Variants in CSMD1 observed in about 807,000 individuals in gnomAD.
CSMD1 encodes the protein CUB and Sushi multiple domains 1.
A neutral mutation model predicts 417.5 loss-of-function variants in CSMD1; 213 were observed. The observed-to-expected ratio is 0.51, with a 90% CI of 0.46 to 0.57. The LOEUF (loss-of-function observed/expected upper bound fraction) is 0.57. Among genes scored for constraint, CSMD1 ranks in the 20% least tolerant of loss-of-function variants. The probability of loss-of-function intolerance (pLI) is 0.00; values close to 1 mark genes in which losing one functional copy is unlikely to be tolerated. For missense variants in CSMD1, 6,923 were observed against 4,529.7 expected (o/e 1.53, Z -15.17); for synonymous variants, 2,862 against 1,736.8 (o/e 1.65, Z -16.11).
chr8:3,254,721 T>A (rs1800519194), intron 26 of CSMD1, among the ~76,000 whole-genome samples: 1 of 152,232 alleles, frequency 6.6e-6, no homozygotes, highest in Non-Finnish European at 1.5e-5. Context: ...TTCAGCTCCG[T>A]CAGGTCCTTT....
intron 3 of CSMD1, among the ~76,000 whole-genome samples, chr8:4,247,816 A>G (rs1563332665): frequency 6.6e-6 from 1 of 152,220 alleles, no homozygotes; most frequent in Non-Finnish European, 1.5e-5. Flanking sequence ...GCAAGTGCTT[A>G]AGTTCACTTT....
At chr8:4,946,398 T>A (rs1020050125) in intron 1 of CSMD1, among the ~76,000 whole-genome samples, 4 of 152,148 alleles carry the variant, frequency 2.6e-5, no homozygotes, top group Non-Finnish European at 5.9e-5. Flanking sequence ...AGGAACTAGG[T>A]CATCGGTCAT....
rs78432209 is a variant in CSMD1, at chr8:2,937,437, C to CAAAAAAAAA, written c.*1139_*1147dup. ...CAAAGATCGATGGCACAGTAAAAGA[C>CAAAAAAAAA]AAAAAAAAAAAAAAACAAAAAAAAA... is the stretch of plus-strand genomic sequence containing the variant. On this transcript the variant is annotated 3_prime_UTR_variant, in exon 70 of 70. Transcript: ENST00000635120. 1.8e-5 allele frequency: 2 copies of CAAAAAAAAA among 114,220 alleles called. No homozygotes were observed. The highest frequency in any genetic ancestry group is 4.1e-5 in the African/African-American group (1 of 24,656). The allele number at this position is 114,220 out of a possible 1,614,324, so 7.1% of individuals were successfully genotyped here.
chr8:3,388,646 G>A (rs573266272), intron 17 of CSMD1, among the ~76,000 whole-genome samples: 8 of 152,056 alleles, frequency 5.3e-5, no homozygotes, highest in African/African-American at 1.7e-4. Context: ...CTATAACTTG[G>A]GCCTGGCCCC....
intron 3 of CSMD1, among the ~76,000 whole-genome samples, chr8:4,332,501 T>C (rs1799923070): frequency 6.6e-6 from 1 of 151,038 alleles, no homozygotes; most frequent in Non-Finnish European, 1.5e-5. Flanking sequence ...GAGCTCTTCT[T>C]CTGGTTTTTG....
At chr8:4,075,861 G>T (rs62501282) in intron 3 of CSMD1, among the ~76,000 whole-genome samples, 9,684 of 152,182 alleles carry the variant, frequency 0.064, 442 homozygotes, top group Non-Finnish European at 0.097. Context: ...CAGGGAGCCA[G>T]TTCATATCTG....
At chr8:3,368,249 T>G (rs1198410905) in intron 19 of CSMD1, among the ~76,000 whole-genome samples, 2 of 152,226 alleles carry the variant, frequency 1.3e-5, no homozygotes, top group Non-Finnish European at 2.9e-5. Context: ...TAATAAAATG[T>G]AGCCATTTCA....
intron 54 of CSMD1, among the ~76,000 whole-genome samples, chr8:2,988,516 G>A (rs756947544): frequency 1.5e-4 from 23 of 152,156 alleles, no homozygotes; most frequent in Non-Finnish European, 1.6e-4. Context: ...ACATAGTTTA[G>A]AATAGGGGAC....
intron 25 of CSMD1, among the ~76,000 whole-genome samples, chr8:3,293,079 C>A (rs147845119): frequency 6.6e-6 from 1 of 152,130 alleles, no homozygotes; most frequent in East Asian, 1.9e-4. Flanking sequence ...TTCTCCTTCA[C>A]TTATGAAGCT....
intron 41 of CSMD1, among the ~76,000 whole-genome samples, chr8:3,124,604 C>T (rs1263950872): frequency 6.6e-6 from 1 of 152,090 alleles, no homozygotes; most frequent in Non-Finnish European, 1.5e-5. Flanking sequence ...CTCTGCAGCC[C>T]CTTCTCCTAA....
intron 3 of CSMD1, among the ~76,000 whole-genome samples, chr8:4,205,497 G>A (rs145751239): frequency 4.6e-5 from 7 of 152,172 alleles, no homozygotes; most frequent in South Asian, 4.2e-4. Context: ...CAAGCCACTC[G>A]AGGTAACTAT....
At chr8:3,622,691 T>G (rs1319614518) in intron 7 of CSMD1, among the ~76,000 whole-genome samples, 1 of 152,248 alleles carries the variant, frequency 6.6e-6, no homozygotes, top group African/African-American at 2.4e-5. Flanking sequence ...GGCGATTTTC[T>G]GAAACAGAGG....
chr8:4,550,646 C>G (rs1043791019), intron 2 of CSMD1, among the ~76,000 whole-genome samples: 3 of 152,114 alleles, frequency 2.0e-5, no homozygotes, highest in Admixed American at 6.5e-5. Context: ...TTAAAAGGAT[C>G]TCTAACAGTT....
chr8:3,913,808 T>C (rs538580588), intron 5 of CSMD1, among the ~76,000 whole-genome samples: 60 of 152,290 alleles, frequency 3.9e-4, no homozygotes, highest in African/African-American at 1.4e-3. Context: ...ACCAGAGTAC[T>C]AGAGTATTAG....
intron 1 of CSMD1, among the ~76,000 whole-genome samples, chr8:4,925,008 A>G (rs982873192): frequency 6.6e-6 from 1 of 151,984 alleles, no homozygotes; most frequent in Non-Finnish European, 1.5e-5. Context: ...TCCAATAAAT[A>G]TTTCTGGAAT....
At chr8:3,989,327 A>T (rs886995131) in intron 5 of CSMD1, among the ~76,000 whole-genome samples, 1 of 152,210 alleles carries the variant, frequency 6.6e-6, no homozygotes, top group African/African-American at 2.4e-5. Context: ...CCGAGGTCTG[A>T]ATCAGTCATC....
At chr8:3,352,588 C>T (rs1462198133) in intron 21 of CSMD1, among the ~76,000 whole-genome samples, 1 of 152,126 alleles carries the variant, frequency 6.6e-6, no homozygotes, top group Non-Finnish European at 1.5e-5. Flanking sequence ...ATCTGTAATC[C>T]TAGCAGTTTG....
intron 7 of CSMD1, among the ~76,000 whole-genome samples, chr8:3,643,907 T>G (rs75689939): frequency 6.6e-6 from 1 of 152,132 alleles, no homozygotes; most frequent in Non-Finnish European, 1.5e-5. Context: ...GGGCAAGAGA[T>G]GAACAAAACC....
At position 4,584,026 on chromosome 8, in the gene CSMD1, C is replaced by T. The variant is rs571052839; in HGVS notation, c.302+53316G>A. Among the ~76,000 whole-genome samples the T allele has an allele frequency of 2.6e-4, 40 of 151,968 alleles. 1 individual carries two copies. The South Asian group carries it at 7.5e-3, about 29-fold the overall frequency. On this transcript the variant is annotated intron_variant, in intron 2 of 69. Transcript: ENST00000635120. ...GAACGAACAACTCCAGATGCGCCGC[C>T]TTAAGAGCTATAACACTCACTACGA... is the stretch of plus-strand genomic sequence containing the variant.
Sources: gnomAD v4.1 joint callset for allele counts (sites outside exome capture counted in the v4.1 genomes callset) on GRCh38, gnomAD v4.1.1 for gene constraint, MANE v1.5 for transcripts, NCBI Gene and HGNC (gene_info 2026-07-23, HGNC 2026-07-21) for gene names.